The following COL27A1 variants were observed in gnomAD, a reference collection of about 807,000 sequenced individuals.
COL27A1 encodes the protein collagen type XXVII alpha 1 chain, also known as collagen alpha-1(XXVII) chain.
Under a neutral mutation model 251.3 loss-of-function variants are expected in COL27A1, and 106 were observed. That is an observed-to-expected ratio of 0.42 (90% CI 0.36 to 0.50). The LOEUF (loss-of-function observed/expected upper bound fraction) is 0.50. Ranked by LOEUF, COL27A1 falls within the 20% of genes least tolerant of loss-of-function variation. The pLI is 0.00. For synonymous variants in COL27A1, 1,000 were observed against 986.3 expected (o/e 1.01, Z -0.26); for missense variants, 2,325 against 2,522.8 (o/e 0.92, Z 1.68).
intron 7 of COL27A1, among the ~76,000 whole-genome samples, chr9:114,200,611 G>A (rs1243587537): frequency 6.6e-6 from 1 of 152,228 alleles, no homozygotes; most frequent in Non-Finnish European, 1.5e-5. Flanking sequence ...GCTGTGCCAT[G>A]ATGGACTGTG....
Position 114,290,699 on chromosome 9 carries a change from T to A in COL27A1, c.4369-111T>A. ...AGGCCGTCTGACCTCCATCCTGGAG[T>A]GTGACCCCTTCCTCCAGCTTCACCC... On this transcript the variant is annotated intron_variant, in intron 47 of 60. Coordinates refer to ENST00000356083, the MANE Select transcript of COL27A1 (RefSeq NM_032888.4). The surrounding 1 kb of genome is among the most constrained non-coding windows in gnomAD (Gnocchi z 4.6). 2.6e-6 allele frequency: 2 copies of A among 768,706 alleles called. No homozygotes were observed. The highest frequency in any genetic ancestry group is 3.6e-5 in the South Asian group (2 of 55,236). 47.6% of individuals were successfully genotyped at this position (768,706 alleles called of 1,614,324 possible).
At chr9:114,235,209 G>A (rs1292558667) in intron 16 of COL27A1, among the ~76,000 whole-genome samples, 2 of 152,182 alleles carry the variant, frequency 1.3e-5, no homozygotes, top group African/African-American at 2.4e-5. Context: ...CCACGTTGGT[G>A]TGGGGGCCCT....
chr9:114,194,441 C>G lies in COL27A1; in HGVS notation c.2054C>G (p.Ala685Gly). The stretch of plus-strand genomic sequence containing the variant: ...GACCCAGGGCTCTCACCAGGAAAGG[C>G]CCACGATGGGGCAAAGGTAGGTTTC... ...KGDPGLSPGKAHDGAKGDMGL... is the reference protein window; with the variant it reads ...KGDPGLSPGKGHDGAKGDMGL... Residue 685 changes from alanine (A) to glycine (G), a missense_variant, in exon 6 of 61, where the codon GCC (alanine) becomes GGC (glycine). By Grantham distance (60) the Ala-to-Gly change is moderately conservative. Transcript: ENST00000356083. The G allele has an allele frequency of 6.2e-7, 1 of 1,612,648 alleles. No homozygotes were observed. Among genetic ancestry groups the G allele is most frequent in the Non-Finnish European group, 8.5e-7 (1 of 1,179,416 alleles).
chr9:114,166,445 A>ATCCATCCATCCACCCG (rs1848895810), intron 2 of COL27A1, among the ~76,000 whole-genome samples: 1 of 25,086 alleles, frequency 4.0e-5, no homozygotes, highest in African/African-American at 1.1e-4. Flanking sequence ...CCATTCATCT[A>ATCCATCCATCCACCCG]TCCATCCATC....
chr9:114,241,795 G>A (rs1241121802), intron 21 of COL27A1, among the ~76,000 whole-genome samples: 1 of 152,212 alleles, frequency 6.6e-6, no homozygotes, highest in Non-Finnish European at 1.5e-5. Flanking sequence ...TTATATTTGA[G>A]GATGATCTTC....
chr9:114,291,346 C>T (rs900224319), intron 48 of COL27A1, among the ~76,000 whole-genome samples: 3 of 152,184 alleles, frequency 2.0e-5, no homozygotes, highest in Admixed American at 6.5e-5. Context: ...AGATGTGGTT[C>T]TTGCCCTCTC....
intron 44 of COL27A1, 94 bp downstream of exon 44, chr9:114,289,061 A>T: frequency 6.8e-7 from 1 of 1,477,900 alleles, no homozygotes; most frequent in Non-Finnish European, 9.3e-7. Context: ...GCTTAAAGGG[A>T]CCCTCCCTGC....
At position 114,310,708 on chromosome 9, in the gene COL27A1, T is replaced by G; in HGVS notation, c.*13T>G. The G allele has an allele frequency of 6.2e-7, 1 of 1,613,918 alleles. No homozygotes were observed. Among genetic ancestry groups the G allele is most frequent in the East Asian group, 2.2e-5 (1 of 44,868 alleles). ...GTGCTTCCTCTGACCTCTGACCTCG[T>G]GGCCACTCTAGGCCTCACGGAGGAG... On this transcript the variant is annotated 3_prime_UTR_variant, in exon 61 of 61. Transcript: ENST00000356083.
At chr9:114,289,943 G>A (rs1827789802) in intron 45 of COL27A1, 115 bp from the exon 46 acceptor site, 1 of 1,194,930 alleles carries the variant, frequency 8.4e-7, no homozygotes, top group Non-Finnish European at 1.2e-6. Context: ...GGGTACATCT[G>A]TGGCATCAGA....
At chr9:114,173,714 G>C (rs1337644694) in intron 3 of COL27A1, among the ~76,000 whole-genome samples, 2 of 152,010 alleles carry the variant, frequency 1.3e-5, no homozygotes, top group South Asian at 4.2e-4. Context: ...GTCGGGGGGA[G>C]GGGAGTAAAG....
chr9:114,282,556 G>A lies in COL27A1; in HGVS notation c.3871G>A (p.Gly1291Arg). Residue 1291 changes from glycine to arginine, a missense_variant, in exon 39 of 61, where the codon GGA becomes AGA. By Grantham distance (125) the Gly-to-Arg change is moderately radical. Around this residue, in one of 4 missense-constraint regions of COL27A1, gnomAD observed 662 missense variants for 795.3 expected, o/e 0.83. Coordinates refer to ENST00000356083, the MANE Select transcript of COL27A1 (RefSeq NM_032888.4). The part of the protein sequence containing the change: ...PGPKGSRGSL[G>R]PTGAPGRMGA... ...CCCTAAAGGGTCCCGGGGCAGCCTG[G>A]GACCAACGGTGAGGACTCTCTGGCT... is the stretch of plus-strand genomic sequence containing the variant. 1 of 1,519,930 alleles carries A rather than the reference G, an allele frequency of 6.6e-7. No homozygotes were observed. The highest frequency in any genetic ancestry group is 8.8e-7 in the Non-Finnish European group (1 of 1,137,316). The allele number at this position is 1,519,930 out of a possible 1,614,324, so 94.2% of individuals were successfully genotyped here.
At chr9:114,241,784 A>G (rs1832774126) in intron 21 of COL27A1, among the ~76,000 whole-genome samples, 1 of 152,190 alleles carries the variant, frequency 6.6e-6, no homozygotes, top group Non-Finnish European at 1.5e-5. Flanking sequence ...GAAGCCACTT[A>G]TTATATTTGA....
intron 28 of COL27A1, among the ~76,000 whole-genome samples, chr9:114,260,004 G>A: frequency 6.8e-6 from 1 of 146,810 alleles, no homozygotes; most frequent in South Asian, 2.3e-4. Context: ...GTGGGGGGGG[G>A]GTCTCTTCAA....
chr9:114,214,657 C>T (rs1830596218), intron 12 of COL27A1, among the ~76,000 whole-genome samples: 1 of 152,212 alleles, frequency 6.6e-6, no homozygotes, highest in Admixed American at 6.5e-5. Flanking sequence ...AGACTTGAAT[C>T]CAGAACACTT....
chr9:114,194,079 A>G (rs1039125887), intron 5 of COL27A1, among the ~76,000 whole-genome samples: 4 of 152,180 alleles, frequency 2.6e-5, no homozygotes, highest in African/African-American at 9.7e-5. Context: ...GTTTGAGGAT[A>G]GAGCAGAGGG....
intron 16 of COL27A1, among the ~76,000 whole-genome samples, chr9:114,234,124 T>C (rs1430801044): frequency 6.6e-6 from 1 of 151,772 alleles, no homozygotes; most frequent in Admixed American, 6.6e-5. Context: ...TCAAATTCAT[T>C]GTCCTGATTT....
chr9:114,307,873 G>A, intron 59 of COL27A1, 95 bp downstream of exon 59: 1 of 826,594 alleles, frequency 1.2e-6, no homozygotes, highest in East Asian at 2.6e-5. Flanking sequence ...TCTGAGCTGT[G>A]CCTGTCTTAC....
chr9:114,207,469 C>T lies in COL27A1; in HGVS notation c.2268+1173C>T, dbSNP rs189542825. Among the ~76,000 whole-genome samples, 9 of 152,352 alleles carry T rather than the reference C, an allele frequency of 5.9e-5. No individual in the cohort carries two copies. In the East Asian group the frequency reaches 1.5e-3, roughly 26 times the overall value. ...AAGGAGAAAGGTCTTCTCAGTCCAGCCCCAGTCCTGATCTCCTGACCTGCC... is the reference window on the plus strand; with the variant it reads ...AAGGAGAAAGGTCTTCTCAGTCCAGTCCCAGTCCTGATCTCCTGACCTGCC... On this transcript the variant is annotated intron_variant, in intron 10 of 60. Transcript: ENST00000356083.
intron 27 of COL27A1, among the ~76,000 whole-genome samples, chr9:114,258,318 G>A (rs1171993605): frequency 6.6e-6 from 1 of 152,172 alleles, no homozygotes; most frequent in African/African-American, 2.4e-5. Context: ...TCCCCCTATA[G>A]CCCAGGGCAT....
Sources: allele counts gnomAD v4.1 joint callset (sites outside exome capture counted in the v4.1 genomes callset), GRCh38; gene constraint gnomAD v4.1.1; regional missense constraint gnomAD v4.1.1; non-coding constraint Gnocchi (gnomAD v3.1); transcripts MANE v1.5; gene names NCBI Gene and HGNC (gene_info 2026-07-23, HGNC 2026-07-21).